Variants in PCOLCE2 observed in about 807,000 individuals in gnomAD.
PCOLCE2 encodes procollagen C-endopeptidase enhancer 2.
A neutral mutation model predicts 47.0 loss-of-function variants in PCOLCE2; 42 were observed. The observed-to-expected ratio is 0.89, with a 90% confidence interval of 0.70 to 1.16. PCOLCE2 has a LOEUF of 1.16. PCOLCE2 is among the 50% of genes most tolerant of loss of function. PCOLCE2 has a pLI of 0.00. For missense variants in PCOLCE2, 500 were observed against 526.1 expected (o/e 0.95, Z 0.49); for synonymous variants, 169 against 191.7 (o/e 0.88, Z 0.98).
intron 5 of PCOLCE2, among the ~76,000 whole-genome samples, chr3:142,830,119 G>C (rs1937128800): frequency 6.6e-6 from 1 of 152,120 alleles, no homozygotes; most frequent in African/African-American, 2.4e-5. Flanking sequence ...TTGAAGTTCA[G>C]AGAGTTCAAG....
rs138312014 is a variant in PCOLCE2, at chr3:142,886,996, T to C, written c.192+673A>G. On this transcript the variant is annotated intron_variant, in intron 2 of 8. Coordinates refer to ENST00000295992, the MANE Select transcript of PCOLCE2 (RefSeq NM_013363.4). Reference sequence around the variant, plus strand: ...AAAAAGTGAAGAAGGTAACAGTCAATGCTATGCTGACTGGAAAGATGACTC... The same window carrying C: ...AAAAAGTGAAGAAGGTAACAGTCAACGCTATGCTGACTGGAAAGATGACTC... Among the ~76,000 whole-genome samples, 1,343 of 152,324 alleles carry C rather than the reference T, an allele frequency of 8.8e-3. 52 individuals carry two copies. The highest frequency in any genetic ancestry group is 0.072 in the Admixed American group (1,104 of 15,298).
At chr3:142,872,221 A>G (rs1467324970) in intron 2 of PCOLCE2, among the ~76,000 whole-genome samples, 1 of 152,038 alleles carries the variant, frequency 6.6e-6, no homozygotes, top group East Asian at 1.9e-4. Context: ...CCTGTCTGCC[A>G]CTTTCTCTGT....
chr3:142,824,896 G>A (rs557134426), intron 6 of PCOLCE2, among the ~76,000 whole-genome samples: 1 of 152,232 alleles, frequency 6.6e-6, no homozygotes, highest in East Asian at 1.9e-4. Flanking sequence ...TGAAAGTGCT[G>A]GGATTACAGG....
intron 2 of PCOLCE2, among the ~76,000 whole-genome samples, chr3:142,865,005 C>T (rs1178831681): frequency 1.3e-5 from 2 of 152,154 alleles, no homozygotes; most frequent in East Asian, 1.9e-4. Flanking sequence ...ATTTCTCCTG[C>T]ATCTAAAAGT....
chr3:142,838,737 A>C, intron 5 of PCOLCE2, 33 bp downstream of exon 5: 1 of 1,585,922 alleles, frequency 6.3e-7, no homozygotes, highest in Non-Finnish European at 8.6e-7. Flanking sequence ...TAGAGCCATA[A>C]AACTATTAAA....
chr3:142,862,609 G>A (rs1446548982), intron 2 of PCOLCE2, among the ~76,000 whole-genome samples: 1 of 152,102 alleles, frequency 6.6e-6, no homozygotes, highest in Admixed American at 6.5e-5. Context: ...TCTTTATTAG[G>A]ACATAATAAG....
Position 142,842,610 on chromosome 3 carries a change from G to T in PCOLCE2, c.573+314C>A, listed in dbSNP as rs1367784984. 1.3e-5 allele frequency among the ~76,000 whole-genome samples: 2 copies of T among 151,948 alleles called. No individual in the cohort carries two copies. The stretch of plus-strand genomic sequence containing the variant: ...CAAAATTAGCCGGGCGTGGTGGCGC[G>T]TGCCTGTAATCTCAGCTACTCGTGA... On this transcript the variant is annotated intron_variant, in intron 4 of 8. Coordinates refer to ENST00000295992, the MANE Select transcript of PCOLCE2 (RefSeq NM_013363.4). The surrounding 1 kb of genome is among the most constrained non-coding windows in gnomAD (Gnocchi z 4.1).
intron 3 of PCOLCE2, 43 bp from the exon 4 acceptor site, chr3:142,843,091 G>C: frequency 6.3e-7 from 1 of 1,596,430 alleles, no homozygotes; most frequent in South Asian, 1.1e-5. Context: ...AGTTTATGTA[G>C]GTTACAGCAA....
At chr3:142,864,908 G>A (rs1246161105) in intron 2 of PCOLCE2, among the ~76,000 whole-genome samples, 1 of 152,112 alleles carries the variant, frequency 6.6e-6, no homozygotes, top group Non-Finnish European at 1.5e-5. Flanking sequence ...CCCTGTTGAT[G>A]GGTATTTGAA....
At chr3:142,871,269 C>T (rs1933382423) in intron 2 of PCOLCE2, among the ~76,000 whole-genome samples, 1 of 152,220 alleles carries the variant, frequency 6.6e-6, no homozygotes, top group Admixed American at 6.5e-5. Context: ...CATTATCTCT[C>T]ATCTGAATTA....
intron 6 of PCOLCE2, chr3:142,827,409 A>C: frequency 6.4e-7 from 1 of 1,568,840 alleles, no homozygotes. Context: ...ACCTTCTTGG[A>C]GCCAGAGGGC....
intron 2 of PCOLCE2, among the ~76,000 whole-genome samples, chr3:142,859,715 G>A (rs1050503056): frequency 1.3e-5 from 2 of 151,956 alleles, no homozygotes; most frequent in Non-Finnish European, 1.5e-5. Context: ...ACAGGCACAC[G>A]CCACCACACC....
Position 142,838,878 on chromosome 3 carries a change from T to A in PCOLCE2, c.602A>T (p.Asp201Val), listed in dbSNP as rs1453763838. The change falls in exon 5 of 9, where the codon GAT becomes GTT. Residue 201 changes from aspartate (D) to valine (V), a missense_variant. By Grantham distance (152) the Asp-to-Val change is radical. Transcript: ENST00000295992. ...QLIELKFEKF[D>V]VERDNYCRYD... Reference sequence around the variant, plus strand: ...TCGGCAGTAGTTATCTCGCTCCACATCAAACTTCTCAAACTTTAATTCTAT... The same window carrying A: ...TCGGCAGTAGTTATCTCGCTCCACAACAAACTTCTCAAACTTTAATTCTAT... 4 of 1,612,484 alleles carry A rather than the reference T, an allele frequency of 2.5e-6. No individual in the cohort carries two copies. Among genetic ancestry groups the A allele is most frequent in the Middle Eastern group, 1.7e-4 (1 of 6,056 alleles).
At chr3:142,830,989 C>A (rs1383297701) in intron 5 of PCOLCE2, among the ~76,000 whole-genome samples, 1 of 152,168 alleles carries the variant, frequency 6.6e-6, no homozygotes, top group Non-Finnish European at 1.5e-5. Flanking sequence ...ATCTACCTGA[C>A]CCAACCAGTT....
intron 3 of PCOLCE2, among the ~76,000 whole-genome samples, chr3:142,847,978 G>C (rs1433994745): frequency 1.3e-5 from 2 of 152,222 alleles, no homozygotes; most frequent in Non-Finnish European, 2.9e-5. Context: ...ATATTTGCAT[G>C]TGTGCTTATG....
At chr3:142,844,936 T>C (rs954901627) in intron 3 of PCOLCE2, among the ~76,000 whole-genome samples, 2 of 152,212 alleles carry the variant, frequency 1.3e-5, no homozygotes, top group Non-Finnish European at 2.9e-5. Context: ...ACTTGGTCTT[T>C]GTATTTCAAG....
intron 1 of PCOLCE2, 62 bp downstream of exon 1, chr3:142,888,752 G>A: frequency 9.9e-7 from 1 of 1,011,238 alleles, no homozygotes; most frequent in Non-Finnish European, 1.4e-6. Flanking sequence ...AGCAGCAGGC[G>A]AGGCTGCAGG....
At chr3:142,818,503 A>G (rs765408661) in intron 8 of PCOLCE2, 38 bp from the exon 9 acceptor site, 1 of 1,519,808 alleles carries the variant, frequency 6.6e-7, no homozygotes, top group East Asian at 2.3e-5. Context: ...CTTTTTCTCT[A>G]TGTATCATGT....
intron 2 of PCOLCE2, among the ~76,000 whole-genome samples, chr3:142,869,365 T>A (rs922019649): frequency 1.3e-5 from 2 of 151,986 alleles, no homozygotes; most frequent in South Asian, 4.2e-4. Context: ...GATATCAACA[T>A]GACAGATAAC....
Sources: allele counts gnomAD v4.1 joint callset (sites outside exome capture counted in the v4.1 genomes callset), GRCh38; gene constraint gnomAD v4.1.1; non-coding constraint Gnocchi (gnomAD v3.1); transcripts MANE v1.5; gene names NCBI Gene and HGNC (gene_info 2026-07-23, HGNC 2026-07-21).